Variants in CFAP20DC observed in about 807,000 individuals in gnomAD.
The protein encoded by CFAP20DC is protein CFAP20DC.
Under a neutral mutation model 101.7 loss-of-function variants are expected in CFAP20DC, and 84 were observed. The ratio of observed to expected loss-of-function variants is 0.83; its 90% CI spans 0.69 to 0.99. CFAP20DC has a LOEUF of 0.99. Among genes scored for constraint, CFAP20DC ranks in the 50% least tolerant of loss-of-function variants. CFAP20DC has a pLI of 0.00. For missense variants in CFAP20DC, 1,007 were observed against 970.3 expected, an observed-to-expected ratio of 1.04 and a Z score of -0.50; for synonymous variants, 359 against 351.2, an observed-to-expected ratio of 1.02 and a Z score of -0.25.
rs538552306 is a variant in CFAP20DC at position 58,836,974 on chromosome 3, GAGA to G, written c.1972-5088_1972-5086del. Among the ~76,000 whole-genome samples, 8 of 152,276 alleles carry G rather than the reference GAGA, an allele frequency of 5.3e-5. No individual in the cohort carries two copies. The East Asian group carries it at 5.8e-4, about 11-fold the overall frequency. ...ACGGTCCCTAAGAAGGGGCTTGAAG[GAGA>G]AGGAGGGTAATATGGCAGCACGTTC... is the stretch of plus-strand genomic sequence containing the variant. On this transcript the variant is annotated intron_variant, in intron 13 of 16. Coordinates refer to ENST00000482387, the MANE Select transcript of CFAP20DC (RefSeq NM_001394063.1).
chr3:58,724,557 G>A lies in CFAP20DC; in HGVS notation c.198-6929C>T, dbSNP rs1361141375. The stretch of plus-strand genomic sequence containing the variant: ...GATAAGTTAAAGATATGCTGTTTGA[G>A]CACAAAGGAGATTCGTTTAAATCAC... On this transcript the variant is annotated intron_variant, in intron 3 of 3. Coordinates refer to the CFAP20DC transcript ENST00000486145. This position sits in a 1 kb window ranked among gnomAD's most constrained non-coding sequence, Gnocchi z 5.6. Among the ~76,000 whole-genome samples, 1 of 152,174 alleles carries A rather than the reference G, an allele frequency of 6.6e-6. No individual in the cohort carries two copies. Among genetic ancestry groups the A allele is most frequent in the Non-Finnish European group, 1.5e-5 (1 of 68,038 alleles).
At chr3:58,929,613 T>C (rs1198876075) in intron 5 of CFAP20DC, among the ~76,000 whole-genome samples, 1 of 152,220 alleles carries the variant, frequency 6.6e-6, no homozygotes, top group East Asian at 1.9e-4. Context: ...TTAAAACTTC[T>C]ACTGCAAACA....
At chr3:58,835,685 A>C (rs1488151723) in intron 13 of CFAP20DC, among the ~76,000 whole-genome samples, 1 of 152,232 alleles carries the variant, frequency 6.6e-6, no homozygotes, top group African/African-American at 2.4e-5. Context: ...CTCCAGCATC[A>C]CTAATAGAGC....
At chr3:58,786,195 T>C (rs914379083) in intron 15 of CFAP20DC, among the ~76,000 whole-genome samples, 6 of 152,160 alleles carry the variant, frequency 3.9e-5, no homozygotes, top group African/African-American at 1.4e-4. Context: ...CTCATGGAGG[T>C]TGTAGAAAAT....
intron 5 of CFAP20DC, among the ~76,000 whole-genome samples, chr3:58,922,075 C>T (rs2085440952): frequency 6.6e-6 from 1 of 151,996 alleles, no homozygotes; most frequent in Non-Finnish European, 1.5e-5. Flanking sequence ...TTATTTGTAA[C>T]CTGTGTCTTT....
chr3:58,863,651 G>C lies in CFAP20DC; in HGVS notation c.1500C>G (p.Leu500=). The C allele has an allele frequency of 6.2e-7, 1 of 1,614,132 alleles. No individual in the cohort carries two copies. Among genetic ancestry groups the C allele is most frequent in the South Asian group, 1.1e-5 (1 of 91,084 alleles). The change falls in exon 12 of 17, where the codon CTC becomes CTG. Residue 500 remains leucine (L), a synonymous_variant. Transcript: ENST00000482387. The surrounding 1 kb of genome is among the most constrained non-coding windows in gnomAD (Gnocchi z 5.9). Reference sequence around the variant, plus strand: ...CCTCTTTTAGATCCAAAATAAATGAGAGCTCCTCTGGGGACATAGTCTGAG... The same window carrying C: ...CCTCTTTTAGATCCAAAATAAATGACAGCTCCTCTGGGGACATAGTCTGAG... ...GKTQTMSPEE[L]SFILDLKEDN... is the part of the protein sequence containing the mutation.
intron 4 of CFAP20DC, among the ~76,000 whole-genome samples, chr3:58,948,967 A>T (rs1190996553): frequency 6.6e-6 from 1 of 151,838 alleles, no homozygotes; most frequent in Non-Finnish European, 1.5e-5. Flanking sequence ...CAATTTCAGA[A>T]CCTGTTATTG....
intron 14 of CFAP20DC, among the ~76,000 whole-genome samples, chr3:58,829,467 A>G (rs1202218940): frequency 6.6e-6 from 1 of 152,096 alleles, no homozygotes; most frequent in East Asian, 1.9e-4. Context: ...AAATTGCTCT[A>G]TCTAAACTCT....
rs1277534690 is a variant in CFAP20DC at position 58,795,853 on chromosome 3, G to A, written c.2237+10542C>T. On this transcript the variant is annotated intron_variant, in intron 15 of 16. Coordinates refer to ENST00000482387, the MANE Select transcript of CFAP20DC (RefSeq NM_001394063.1). This position sits in a 1 kb window ranked among gnomAD's most constrained non-coding sequence, Gnocchi z 4.2. ...CTTAATGCCTTTAGACTCTCACAGA[G>A]TACAAAGGGAAAACTAGGAAACTCA... Among the ~76,000 whole-genome samples the A allele has an allele frequency of 2.0e-5, 3 of 152,150 alleles. No homozygotes were observed. Among genetic ancestry groups the A allele is most frequent in the Non-Finnish European group, 1.5e-5 (1 of 68,044 alleles).
At chr3:58,951,485 T>G (rs1306542928) in intron 4 of CFAP20DC, among the ~76,000 whole-genome samples, 4 of 152,090 alleles carry the variant, frequency 2.6e-5, no homozygotes. Flanking sequence ...CTATTCACAA[T>G]AGCAAAGACT....
intron 15 of CFAP20DC, among the ~76,000 whole-genome samples, chr3:58,800,612 AGTT>A (rs1216791396): frequency 6.6e-6 from 1 of 152,136 alleles, no homozygotes; most frequent in Non-Finnish European, 1.5e-5. Context: ...TAAATTTGAG[AGTT>A]GTTGGAATAT....
At position 58,874,251 on chromosome 3, in the gene CFAP20DC, A is replaced by G. The variant is rs2080541160; in HGVS notation, c.716-3942T>C. 6.6e-6 allele frequency among the ~76,000 whole-genome samples: 1 copy of G among 152,074 alleles called. No individual in the cohort carries two copies. The highest frequency in any genetic ancestry group is 1.5e-5 in the Non-Finnish European group (1 of 67,994). On this transcript the variant is annotated intron_variant, in intron 7 of 16. Transcript: ENST00000482387. The surrounding 1 kb of genome is among the most constrained non-coding windows in gnomAD (Gnocchi z 5.1). ...CCCCTGATCTCTCCATATCCCATCCATGTCCACTTCCTTCCATCTCCTCCA... is the reference window on the plus strand; with the variant it reads ...CCCCTGATCTCTCCATATCCCATCCGTGTCCACTTCCTTCCATCTCCTCCA...
rs1218483721 is a variant in CFAP20DC, at chr3:58,795,333, A to G, written c.2237+11062T>C. On this transcript the variant is annotated intron_variant, in intron 15 of 16. Coordinates refer to ENST00000482387, the MANE Select transcript of CFAP20DC (RefSeq NM_001394063.1). The surrounding 1 kb of genome is among the most constrained non-coding windows in gnomAD (Gnocchi z 4.2). ...AGTAATCTCAGGAGCCCCGCTCTCCACTGGTTAAAGATGTCAAGATTCTGC... is the reference window on the plus strand; with the variant it reads ...AGTAATCTCAGGAGCCCCGCTCTCCGCTGGTTAAAGATGTCAAGATTCTGC... Among the ~76,000 whole-genome samples, 2 of 152,198 alleles carry G rather than the reference A, an allele frequency of 1.3e-5. No homozygotes were observed. Among genetic ancestry groups the G allele is most frequent in the African/African-American group, 4.8e-5 (2 of 41,440 alleles).
At chr3:58,896,923 A>G (rs2106966343) in intron 6 of CFAP20DC, among the ~76,000 whole-genome samples, 1 of 152,288 alleles carries the variant, frequency 6.6e-6, no homozygotes, top group South Asian at 2.1e-4. Flanking sequence ...AGCTGGGTTC[A>G]AGTCCTAAAT....
intron 3 of CFAP20DC, among the ~76,000 whole-genome samples, chr3:58,733,869 A>T (rs1246575807): frequency 6.6e-6 from 1 of 152,162 alleles, no homozygotes; most frequent in Non-Finnish European, 1.5e-5. Context: ...TTTTCAGAGT[A>T]TTAATAAAAC....
intron 4 of CFAP20DC, among the ~76,000 whole-genome samples, chr3:58,952,734 C>G (rs1277011987): frequency 6.6e-6 from 1 of 152,036 alleles, no homozygotes; most frequent in African/African-American, 2.4e-5. Flanking sequence ...AACTCTTCTA[C>G]TAGCCTGTAA....
intron 12 of CFAP20DC, among the ~76,000 whole-genome samples, chr3:58,857,876 G>T (rs1272956106): frequency 6.6e-6 from 1 of 152,114 alleles, no homozygotes; most frequent in Non-Finnish European, 1.5e-5. Flanking sequence ...GCATGCTTTT[G>T]CCTCTTTAAT....
Position 58,899,570 on chromosome 3 carries a change from G to C in CFAP20DC, c.550+14138C>G, listed in dbSNP as rs2082965138. Among the ~76,000 whole-genome samples, 1 of 152,138 alleles carries C rather than the reference G, an allele frequency of 6.6e-6. No individual in the cohort carries two copies. Among genetic ancestry groups the C allele is most frequent in the Non-Finnish European group, 1.5e-5 (1 of 68,018 alleles). ...TGTGCCTGAGTGGCTGCTCTGCTGG[G>C]ACTCCACACAGCTCTGTTTATTGGA... On this transcript the variant is annotated intron_variant, in intron 6 of 16. Coordinates refer to ENST00000482387, the MANE Select transcript of CFAP20DC (RefSeq NM_001394063.1). This position sits in a 1 kb window ranked among gnomAD's most constrained non-coding sequence, Gnocchi z 5.0.
At chr3:58,812,987 T>G (rs2074790193) in intron 14 of CFAP20DC, among the ~76,000 whole-genome samples, 1 of 151,900 alleles carries the variant, frequency 6.6e-6, no homozygotes, top group Non-Finnish European at 1.5e-5. Flanking sequence ...TCAACCATCA[T>G]TAATAACAGA....
Sources: gnomAD v4.1 joint callset for allele counts (sites outside exome capture counted in the v4.1 genomes callset) on GRCh38, gnomAD v4.1.1 for gene constraint, Gnocchi (gnomAD v3.1) non-coding constraint, MANE v1.5 for transcripts, NCBI Gene and HGNC (gene_info 2026-07-23, HGNC 2026-07-21) for gene names.